DGKB: variants seen among roughly 807,000 people sequenced by gnomAD.
DGKB encodes the protein 90 kDa diacylglycerol kinase.
DGKB carries 67 observed loss-of-function variants against 114.3 expected under a neutral mutation model. That is an observed-to-expected ratio of 0.59 (90% CI 0.48 to 0.72). The LOEUF is 0.72. Among genes scored for constraint, DGKB ranks in the 30% least tolerant of loss-of-function variants. The pLI, the probability that DGKB is intolerant of heterozygous loss-of-function variation, is 0.00. For missense variants in DGKB, 907 were observed against 975.2 expected, an observed-to-expected ratio of 0.93 and a Z score of 0.93; for synonymous variants, 398 against 323.1, an observed-to-expected ratio of 1.23 and a Z score of -2.49.
intron 5 of DGKB, among the ~76,000 whole-genome samples, chr7:14,730,771 C>A (rs377338996): frequency 6.6e-6 from 1 of 152,146 alleles, no homozygotes; most frequent in Non-Finnish European, 1.5e-5. Context: ...ACTCCATGTA[C>A]TCATGTATCT....
At chr7:14,910,314 G>GAAAGAAAGAAAGAAAGAAAGAAAA (rs1209418948) in intron 1 of DGKB, among the ~76,000 whole-genome samples, 7 of 132,250 alleles carry the variant, frequency 5.3e-5, no homozygotes, top group African/African-American at 2.0e-4. Flanking sequence ...AAGAAAGAAA[G>GAAAGAAAGAAAGAAAGAAAGAAAA]AACCTTATAT....
At chr7:14,915,644 A>T (rs1238875371) in intron 1 of DGKB, among the ~76,000 whole-genome samples, 3 of 152,212 alleles carry the variant, frequency 2.0e-5, no homozygotes, top group Non-Finnish European at 2.9e-5. Context: ...CAATGCAAGC[A>T]AGAAGAAAGT....
At chr7:14,349,435 C>A (rs894763351) in intron 21 of DGKB, among the ~76,000 whole-genome samples, 5 of 152,024 alleles carry the variant, frequency 3.3e-5, no homozygotes, top group Non-Finnish European at 5.9e-5. Flanking sequence ...CCTGTATTTC[C>A]ATTATGTCCA....
intron 23 of DGKB, among the ~76,000 whole-genome samples, chr7:14,301,964 G>T (rs1390142260): frequency 6.6e-6 from 1 of 152,028 alleles, no homozygotes; most frequent in Non-Finnish European, 1.5e-5. Flanking sequence ...AGCAATAAAA[G>T]AAAATCAGAA....
intron 20 of DGKB, among the ~76,000 whole-genome samples, chr7:14,499,197 G>C (rs888248023): frequency 6.6e-6 from 1 of 151,592 alleles, no homozygotes; most frequent in African/African-American, 2.4e-5. Flanking sequence ...ACTTCTATAT[G>C]TTTAAAATTA....
rs569228884 is a variant in DGKB at position 14,716,253 on chromosome 7, T to G, written c.466+2289A>C. 8.9e-4 allele frequency among the ~76,000 whole-genome samples: 136 copies of G among 152,302 alleles called. 1 individual carries two copies. The highest frequency in any genetic ancestry group is 3.4e-3 in the Middle Eastern group (1 of 294). On this transcript the variant is annotated intron_variant, in intron 6 of 25. Coordinates refer to ENST00000402815, the MANE Select transcript of DGKB (RefSeq NM_001350709.2). ...CTAGAACAATAGCATCCGCATCACCTGGAAACTTGTTAGAAATGCACATTT... is the reference window on the plus strand; with the variant it reads ...CTAGAACAATAGCATCCGCATCACCGGGAAACTTGTTAGAAATGCACATTT...
chr7:14,843,517 G>C (rs1848237721), intron 1 of DGKB, among the ~76,000 whole-genome samples: 1 of 150,348 alleles, frequency 6.7e-6, no homozygotes. Context: ...TGTATTTTTA[G>C]TAGAGACGGG....
At chr7:14,881,232 A>G (rs1157304956) in intron 1 of DGKB, among the ~76,000 whole-genome samples, 1 of 152,150 alleles carries the variant, frequency 6.6e-6, no homozygotes, top group East Asian at 1.9e-4. Context: ...TTCAATGACT[A>G]TTATTGAAGT....
intron 1 of DGKB, among the ~76,000 whole-genome samples, chr7:14,896,062 A>C (rs1428392646): frequency 6.6e-6 from 1 of 151,686 alleles, no homozygotes; most frequent in African/African-American, 2.4e-5. Flanking sequence ...TTTCCAGTTC[A>C]TATAATCCAA....
chr7:14,259,231 T>G (rs1383821944), intron 23 of DGKB, among the ~76,000 whole-genome samples: 1 of 152,110 alleles, frequency 6.6e-6, no homozygotes, highest in South Asian at 2.1e-4. Flanking sequence ...GTGTAGAAAT[T>G]GTTGACATAA....
chr7:14,381,972 T>C (rs10950520), intron 21 of DGKB, among the ~76,000 whole-genome samples: 74,871 of 152,138 alleles, frequency 0.49, 19,642 homozygotes, highest in East Asian at 0.58. Flanking sequence ...GTAAAATCTT[T>C]TGTTTTGTCA....
At chr7:14,617,135 C>G (rs917718493) in intron 15 of DGKB, among the ~76,000 whole-genome samples, 32 of 151,734 alleles carry the variant, frequency 2.1e-4, no homozygotes, top group Admixed American at 9.9e-4. Flanking sequence ...TATCTGATGG[C>G]TGCCATCAAT....
chr7:14,415,131 T>C (rs1212942940), intron 21 of DGKB, among the ~76,000 whole-genome samples: 1 of 151,828 alleles, frequency 6.6e-6, no homozygotes, highest in African/African-American at 2.4e-5. Context: ...TTATATAAAG[T>C]GATTACATAT....
chr7:14,858,956 A>G (rs1192016045), intron 1 of DGKB, among the ~76,000 whole-genome samples: 1 of 152,204 alleles, frequency 6.6e-6, no homozygotes. Context: ...AAACATATTC[A>G]TCTTCATAGG....
At chr7:14,175,179 C>A (rs989677235) in intron 25 of DGKB, among the ~76,000 whole-genome samples, 1 of 152,094 alleles carries the variant, frequency 6.6e-6, no homozygotes, top group Non-Finnish European at 1.5e-5. Flanking sequence ...TCATACCTGC[C>A]CTTGAGTATG....
At chr7:14,276,221 T>C (rs117119414) in intron 23 of DGKB, among the ~76,000 whole-genome samples, 1 of 152,256 alleles carries the variant, frequency 6.6e-6, no homozygotes, top group Non-Finnish European at 1.5e-5. Context: ...AGCTCTCCAT[T>C]CCCTAAAAAA....
At chr7:14,488,205 T>A (rs1442291622) in intron 20 of DGKB, among the ~76,000 whole-genome samples, 2 of 152,052 alleles carry the variant, frequency 1.3e-5, no homozygotes, top group African/African-American at 4.8e-5. Flanking sequence ...ATGAAAAAAA[T>A]TGACCTCAGA....
intron 13 of DGKB, among the ~76,000 whole-genome samples, chr7:14,635,209 T>A (rs1001844010): frequency 7.1e-6 from 1 of 141,338 alleles, no homozygotes; most frequent in African/African-American, 2.9e-5. Flanking sequence ...ACCCTTCAAC[T>A]GTAATTGCTC....
intron 23 of DGKB, among the ~76,000 whole-genome samples, chr7:14,298,475 T>C (rs905106112): frequency 6.6e-6 from 1 of 152,068 alleles, no homozygotes; most frequent in Admixed American, 6.5e-5. Flanking sequence ...CTATTTAATA[T>C]ATGATGTTGG....
Sources: gnomAD v4.1 joint callset for allele counts (sites outside exome capture counted in the v4.1 genomes callset) on GRCh38, gnomAD v4.1.1 for gene constraint, MANE v1.5 for transcripts, NCBI Gene and HGNC (gene_info 2026-07-23, HGNC 2026-07-21) for gene names.